Variants in STK39 observed in about 807,000 individuals in gnomAD.
STK39 encodes serine/threonine kinase 39, also known as STE20/SPS1-related proline-alanine-rich protein kinase.
Under a neutral mutation model 77.8 loss-of-function variants are expected in STK39, and 20 were observed. The observed-to-expected ratio is 0.26, with a 90% CI of 0.18 to 0.37. The LOEUF (loss-of-function observed/expected upper bound fraction) is 0.37, where lower values mean the gene tolerates loss of function less well. Among genes scored for constraint, STK39 ranks in the 10% least tolerant of loss-of-function variants. STK39 has a pLI of 1.00. For synonymous variants in STK39, 246 were observed against 234.1 expected (o/e 1.05, Z -0.47); for missense variants, 479 against 656.5 (o/e 0.73, Z 2.95).
chr2:168,165,023 G>A (rs1485609351), intron 3 of STK39, among the ~76,000 whole-genome samples: 1 of 151,912 alleles, frequency 6.6e-6, no homozygotes, highest in East Asian at 1.9e-4. Context: ...GAGATTCAAT[G>A]TAATGAAATA....
At chr2:167,986,943 A>C (rs775034104) in intron 16 of STK39, among the ~76,000 whole-genome samples, 16 of 152,180 alleles carry the variant, frequency 1.1e-4, no homozygotes, top group African/African-American at 1.4e-4. Flanking sequence ...ATAATGCACT[A>C]AGGAGTAAAA....
intron 7 of STK39, among the ~76,000 whole-genome samples, chr2:168,138,990 A>G (rs997049735): frequency 2.0e-5 from 3 of 152,258 alleles, no homozygotes; most frequent in Non-Finnish European, 4.4e-5. Context: ...TCATTAATGC[A>G]TAATTCAGCC....
In STK39 at chr2:168,247,513, G is replaced by T; in HGVS notation, c.-78C>A. 9.2e-7 allele frequency: 1 copy of T among 1,087,044 alleles called. No homozygotes were observed. The highest frequency in any genetic ancestry group is 1.1e-6 in the Non-Finnish European group (1 of 878,576). 67.3% of individuals were successfully genotyped at this position (1,087,044 alleles called of 1,614,324 possible). A position where few individuals can be genotyped will look rare whatever the true frequency, so the allele number is the denominator to read the frequency against. On this transcript the variant is annotated 5_prime_UTR_variant, in exon 1 of 18. Coordinates refer to ENST00000355999, the MANE Select transcript of STK39 (RefSeq NM_013233.3). ...TTGAAACTTCCTTTGCCTCGCCGCCGACACCTCTCGGCCGGCGCACGCCCT... is the reference window on the plus strand; with the variant it reads ...TTGAAACTTCCTTTGCCTCGCCGCCTACACCTCTCGGCCGGCGCACGCCCT...
At chr2:168,220,538 G>A (rs1690141795) in intron 1 of STK39, among the ~76,000 whole-genome samples, 1 of 152,206 alleles carries the variant, frequency 6.6e-6, no homozygotes, top group Non-Finnish European at 1.5e-5. Flanking sequence ...ATAGAGCACT[G>A]ATAGGTGAAA....
chr2:167,963,110 A>G (rs1692040239), intron 17 of STK39, among the ~76,000 whole-genome samples: 1 of 152,212 alleles, frequency 6.6e-6, no homozygotes, highest in Non-Finnish European at 1.5e-5. Context: ...AACAGAGCCA[A>G]AAGCTGACAA....
At chr2:168,140,163 T>G in intron 7 of STK39, 126 bp downstream of exon 7, 1 of 781,614 alleles carries the variant, frequency 1.3e-6, no homozygotes, top group Non-Finnish European at 2.2e-6. Context: ...AATGTTCAAC[T>G]TGGCTGCGTT....
chr2:167,997,171 G>A (rs182171740), intron 16 of STK39, among the ~76,000 whole-genome samples: 1 of 151,612 alleles, frequency 6.6e-6, no homozygotes, highest in Non-Finnish European at 1.5e-5. Flanking sequence ...CTAGTGTGGA[G>A]GTGGCAGAGG....
At chr2:168,222,373 T>C (rs540420984) in intron 1 of STK39, among the ~76,000 whole-genome samples, 3 of 152,328 alleles carry the variant, frequency 2.0e-5, no homozygotes, top group Admixed American at 6.5e-5. Flanking sequence ...ATTTTATCAA[T>C]TGCATTTTTA....
At chr2:168,034,818 G>T (rs183901249) in intron 14 of STK39, among the ~76,000 whole-genome samples, 3 of 152,102 alleles carry the variant, frequency 2.0e-5, no homozygotes, top group Non-Finnish European at 2.9e-5. Context: ...ACGAGCAGCG[G>T]GTGCCATGCT....
chr2:168,007,162 C>T (rs1016608641), intron 16 of STK39, among the ~76,000 whole-genome samples: 4 of 152,134 alleles, frequency 2.6e-5, no homozygotes, highest in Non-Finnish European at 4.4e-5. Flanking sequence ...AGAAAAAATA[C>T]ACATGTAAGA....
chr2:168,076,122 T>C (rs1364043202), intron 10 of STK39, among the ~76,000 whole-genome samples: 4 of 152,198 alleles, frequency 2.6e-5, no homozygotes, highest in Admixed American at 2.0e-4. Context: ...ATGATGTGAA[T>C]GCAACAGCCA....
At position 168,087,375 on chromosome 2, in the gene STK39, C is replaced by T. The variant is rs149813065; in HGVS notation, c.1090-12144G>A. On this transcript the variant is annotated intron_variant, in intron 10 of 17. Transcript: ENST00000355999. ...TTGACTGTGCTAGTGCCCACAGTTACTCCCTCCAACACTAAGCTAGGCATT... is the reference window on the plus strand; with the variant it reads ...TTGACTGTGCTAGTGCCCACAGTTATTCCCTCCAACACTAAGCTAGGCATT... Among the ~76,000 whole-genome samples, 16 of 152,362 alleles carry T rather than the reference C, an allele frequency of 1.1e-4. No homozygotes were observed. In the East Asian group the frequency reaches 1.5e-3, roughly 15 times the overall value.
chr2:168,202,253 A>ATT (rs1377672747), intron 1 of STK39, among the ~76,000 whole-genome samples: 1 of 152,356 alleles, frequency 6.6e-6, no homozygotes, highest in East Asian at 1.9e-4. Flanking sequence ...TCTGCACAGT[A>ATT]ACATTTGAAA....
rs554929297 is a variant in STK39 at position 168,041,513 on chromosome 2, C to T, written c.1376+21987G>A. On this transcript the variant is annotated intron_variant, in intron 14 of 17. Transcript: ENST00000355999. Reference sequence around the variant, plus strand: ...ATCTATCCCCAAAGTTCCTTCTCTACAGTATGTCTGCAAGTGGAGGCTCGT... The same window carrying T: ...ATCTATCCCCAAAGTTCCTTCTCTATAGTATGTCTGCAAGTGGAGGCTCGT... Among the ~76,000 whole-genome samples the T allele has an allele frequency of 8.5e-4, 129 of 152,062 alleles. No homozygotes were observed. In the South Asian group the frequency reaches 0.012, roughly 14 times the overall value.
chr2:168,237,866 T>C (rs929492076), intron 1 of STK39, among the ~76,000 whole-genome samples: 6 of 152,154 alleles, frequency 3.9e-5, no homozygotes, highest in Admixed American at 6.5e-5. Flanking sequence ...TGACCTGCCA[T>C]TCCTTCCCCA....
intron 1 of STK39, among the ~76,000 whole-genome samples, chr2:168,191,030 T>G (rs1265313304): frequency 6.6e-6 from 1 of 152,188 alleles, no homozygotes; most frequent in Non-Finnish European, 1.5e-5. Context: ...TATGCTGTGG[T>G]GGTGGCTTCT....
intron 1 of STK39, among the ~76,000 whole-genome samples, chr2:168,245,659 GT>G (rs1433859401): frequency 6.6e-6 from 1 of 152,244 alleles, no homozygotes; most frequent in Non-Finnish European, 1.5e-5. Flanking sequence ...GAAGACAGCG[GT>G]GTATTCAGGA....
intron 14 of STK39, among the ~76,000 whole-genome samples, chr2:168,052,420 TA>T (rs1388972880): frequency 3.9e-5 from 6 of 152,270 alleles, no homozygotes; most frequent in African/African-American, 1.4e-4. Flanking sequence ...GAAAAGTATT[TA>T]AAAGAACAAA....
chr2:168,037,466 T>TA (rs1162236273), intron 14 of STK39, among the ~76,000 whole-genome samples: 1 of 152,210 alleles, frequency 6.6e-6, no homozygotes, highest in African/African-American at 2.4e-5. Flanking sequence ...TGATGTGAAA[T>TA]AATTAGAAAT....
Sources: allele counts gnomAD v4.1 joint callset (sites outside exome capture counted in the v4.1 genomes callset), GRCh38; gene constraint gnomAD v4.1.1; transcripts MANE v1.5; gene names NCBI Gene and HGNC (gene_info 2026-07-23, HGNC 2026-07-21).